The following SCYL2 variants were observed in gnomAD, a reference collection of about 807,000 sequenced individuals.
SCYL2 encodes the protein SCY1 like pseudokinase 2.
In SCYL2, 36 loss-of-function variants were observed where a neutral mutation model predicts 100.4. That is an observed-to-expected ratio of 0.36 (90% CI 0.27 to 0.47). SCYL2 has a LOEUF of 0.47. Among genes scored for constraint, SCYL2 ranks in the 20% least tolerant of loss-of-function variants. The pLI is 1.00. For synonymous variants in SCYL2, 330 were observed against 359.2 expected, an observed-to-expected ratio of 0.92 and a Z score of 0.92; for missense variants, 902 against 1,083.9, an observed-to-expected ratio of 0.83 and a Z score of 2.36.
chr12:100,284,580 A>C (rs2096302392), intron 2 of SCYL2, among the ~76,000 whole-genome samples: 1 of 152,138 alleles, frequency 6.6e-6, no homozygotes, highest in South Asian at 2.1e-4. Flanking sequence ...CTCCCACCTC[A>C]GCTTCCCAAG....
chr12:100,332,437 C>T (rs1015493573), intron 13 of SCYL2, among the ~76,000 whole-genome samples: 3 of 152,086 alleles, frequency 2.0e-5, no homozygotes, highest in East Asian at 3.9e-4. Context: ...CAGGAGTTTT[C>T]GAGGATAGCA....
intron 1 of SCYL2, among the ~76,000 whole-genome samples, chr12:100,269,747 G>A (rs1320362366): frequency 6.6e-6 from 1 of 152,086 alleles, no homozygotes; most frequent in Non-Finnish European, 1.5e-5. Context: ...ACTTAACCAT[G>A]TAACTTAATT....
intron 3 of SCYL2, among the ~76,000 whole-genome samples, chr12:100,293,168 GC>G (rs1226243888): frequency 6.7e-6 from 1 of 150,298 alleles, no homozygotes; most frequent in Non-Finnish European, 1.5e-5. Context: ...TGTTGCCCAG[GC>G]TTGCCTTGGA....
chr12:100,294,278 G>A (rs1336682748), intron 3 of SCYL2, among the ~76,000 whole-genome samples: 14 of 127,802 alleles, frequency 1.1e-4, no homozygotes, highest in South Asian at 2.8e-4. Flanking sequence ...CCTCCCTCCC[G>A]GACGGGGCGG....
At chr12:100,274,668 C>T (rs968551082) in intron 1 of SCYL2, among the ~76,000 whole-genome samples, 14 of 152,184 alleles carry the variant, frequency 9.2e-5, no homozygotes, top group African/African-American at 2.9e-4. Flanking sequence ...TACAGTAACA[C>T]TGGGATGGCT....
intron 1 of SCYL2, among the ~76,000 whole-genome samples, chr12:100,278,630 C>CTT (rs66782127): frequency 2.2e-4 from 27 of 120,516 alleles, no homozygotes; most frequent in East Asian, 7.0e-4. Flanking sequence ...TGGGGAAATT[C>CTT]TTTTTTTTTT....
At chr12:100,296,069 A>G (rs1001010058) in intron 3 of SCYL2, among the ~76,000 whole-genome samples, 1 of 152,228 alleles carries the variant, frequency 6.6e-6, no homozygotes, top group Admixed American at 6.5e-5. Flanking sequence ...AAGGACTATC[A>G]GTTATACTTT....
intron 10 of SCYL2, among the ~76,000 whole-genome samples, chr12:100,318,987 CTTATG>C (rs1455602278): frequency 6.6e-6 from 1 of 152,152 alleles, no homozygotes. Flanking sequence ...AAAATACATA[CTTATG>C]TTAAGAACAT....
chr12:100,273,891 T>C (rs2096290025), intron 1 of SCYL2, among the ~76,000 whole-genome samples: 2 of 152,224 alleles, frequency 1.3e-5, no homozygotes, highest in Non-Finnish European at 2.9e-5. Flanking sequence ...TATAACAAGA[T>C]GCACGGCATT....
At chr12:100,308,657 A>C (rs1436995737) in intron 4 of SCYL2, among the ~76,000 whole-genome samples, 1 of 152,174 alleles carries the variant, frequency 6.6e-6, no homozygotes, top group African/African-American at 2.4e-5. Context: ...ACAACAACAA[A>C]AAAGAAAGAA....
At chr12:100,287,633 T>A (rs889585001) in intron 2 of SCYL2, among the ~76,000 whole-genome samples, 2 of 152,202 alleles carry the variant, frequency 1.3e-5, no homozygotes, top group African/African-American at 4.8e-5. Context: ...TTTTAAAGAA[T>A]CTGCAATGAA....
intron 16 of SCYL2, among the ~76,000 whole-genome samples, chr12:100,336,818 T>C (rs1270462127): frequency 1.3e-5 from 2 of 152,184 alleles, no homozygotes; most frequent in Non-Finnish European, 2.9e-5. Context: ...TTGTGACTTC[T>C]GCTGAGGGCA....
intron 16 of SCYL2, 150 bp downstream of exon 16, chr12:100,336,056 A>T (rs1265924404): frequency 3.2e-6 from 2 of 621,412 alleles, no homozygotes; most frequent in Non-Finnish European, 5.7e-6. Context: ...GTTAAACATG[A>T]CCCTAACCCA....
chr12:100,300,775 T>C (rs912517079), intron 4 of SCYL2, among the ~76,000 whole-genome samples: 1 of 152,212 alleles, frequency 6.6e-6, no homozygotes, highest in Non-Finnish European at 1.5e-5. Flanking sequence ...CTGAGTTATT[T>C]TGCTTAACAT....
chr12:100,304,918 T>TA (rs1158592146), intron 4 of SCYL2, among the ~76,000 whole-genome samples: 3 of 152,028 alleles, frequency 2.0e-5, no homozygotes, highest in Non-Finnish European at 4.4e-5. Context: ...GGGCACTACA[T>TA]AATGGTACAG....
At chr12:100,334,390 T>C (rs533718012) in intron 14 of SCYL2, 124 bp downstream of exon 14, 51 of 667,546 alleles carry the variant, frequency 7.6e-5, no homozygotes, top group Non-Finnish European at 1.2e-4. Context: ...TGTAAAACAT[T>C]TCAAAATTTA....
At chr12:100,322,547 A>G (rs1340773427) in intron 10 of SCYL2, among the ~76,000 whole-genome samples, 1 of 152,132 alleles carries the variant, frequency 6.6e-6, no homozygotes, top group African/African-American at 2.4e-5. Context: ...GCTTGAGCTC[A>G]GGAATTCGAG....
At chr12:100,310,573 A>C (rs1455687449) in intron 4 of SCYL2, among the ~76,000 whole-genome samples, 1 of 152,218 alleles carries the variant, frequency 6.6e-6, no homozygotes, top group African/African-American at 2.4e-5. Flanking sequence ...AAATTACCAA[A>C]TATTAATCCA....
In SCYL2 at chr12:100,288,563, C is replaced by T. The variant is rs185921611; in HGVS notation, c.178-2940C>T. On this transcript the variant is annotated intron_variant, in intron 2 of 17. Transcript: ENST00000360820. The stretch of plus-strand genomic sequence containing the variant: ...TACTTAGAACACCTTGAGCTGAGCA[C>T]GGTGGCTCACACCTGTAATCTCAAC... 1.1e-4 allele frequency among the ~76,000 whole-genome samples: 16 copies of T among 152,142 alleles called. No individual in the cohort carries two copies. The East Asian group carries it at 2.3e-3, about 22-fold the overall frequency.
Sources: gnomAD v4.1 joint callset for allele counts (sites outside exome capture counted in the v4.1 genomes callset) on GRCh38, gnomAD v4.1.1 for gene constraint, MANE v1.5 for transcripts, NCBI Gene and HGNC (gene_info 2026-07-23, HGNC 2026-07-21) for gene names.